The following ESS2 variants were observed in gnomAD, a reference collection of about 807,000 sequenced individuals.
ESS2 encodes the protein ess-2 spliceosome associated protein.
ESS2 carries 31 observed loss-of-function variants against 52.0 expected under a neutral mutation model. The ratio of observed to expected loss-of-function variants is 0.60; its 90% CI spans 0.45 to 0.81. The LOEUF is 0.81. Ranked by LOEUF, ESS2 falls within the 30% of genes least tolerant of loss-of-function variation. ESS2 has a pLI of 0.00. For missense variants in ESS2, 602 were observed against 637.2 expected (o/e 0.94, Z 0.59); for synonymous variants, 285 against 259.2 (o/e 1.10, Z -0.95).
At chr22:19,136,031 T>TAAAAAAAAAAAAAAAAA (rs377121962) in intron 8 of ESS2, among the ~76,000 whole-genome samples, 127 of 92,524 alleles carry the variant, frequency 1.4e-3, no homozygotes, top group African/African-American at 5.3e-3. Context: ...CCCTATCTGT[T>TAAAAAAAAAAAAAAAAA]AAAAAAAAAA....
rs182014495 is a variant in ESS2, at chr22:19,142,116, C to T, written c.400+422G>A. 8.6e-3 allele frequency among the ~76,000 whole-genome samples: 1,305 copies of T among 152,354 alleles called. 11 individuals are homozygous for T. Among genetic ancestry groups the T allele is most frequent in the Non-Finnish European group, 0.014 (974 of 68,040 alleles). Reference sequence around the variant, plus strand: ...CACACTGGCAGGTCAAGAAAAGTTTCTCTGAACAGGTAACACCTATGCAGA... The same window carrying T: ...CACACTGGCAGGTCAAGAAAAGTTTTTCTGAACAGGTAACACCTATGCAGA... On this transcript the variant is annotated intron_variant, in intron 3 of 9. Coordinates refer to ENST00000252137, the MANE Select transcript of ESS2 (RefSeq NM_022719.3).
At chr22:19,144,307 T>C (rs2083746643) in intron 1 of ESS2, 199 bp downstream of exon 1, 2 of 1,352,490 alleles carry the variant, frequency 1.5e-6, no homozygotes, top group South Asian at 3.5e-5. Context: ...CTCTCTCTTT[T>C]CCCTGACAAC....
In ESS2 at chr22:19,134,153, G is replaced by A. The variant is rs1364838034; in HGVS notation, c.*43C>T. The A allele has an allele frequency of 1.4e-6, 2 of 1,474,220 alleles. No homozygotes were observed. The highest frequency in any genetic ancestry group is 2.5e-5 in the East Asian group (1 of 40,024). 91.3% of individuals were successfully genotyped at this position (1,474,220 alleles called of 1,614,324 possible). ...CCTCTGCTGGGTGTACAGCTGCCCTGCAGGCTCTGTGAAGCGTCTATGAGC... is the reference window on the plus strand; with the variant it reads ...CCTCTGCTGGGTGTACAGCTGCCCTACAGGCTCTGTGAAGCGTCTATGAGC... On this transcript the variant is annotated 3_prime_UTR_variant, in exon 10 of 10. Coordinates refer to ENST00000252137, the MANE Select transcript of ESS2 (RefSeq NM_022719.3).
intron 9 of ESS2, 132 bp downstream of exon 9, chr22:19,134,928 C>T (rs988804644): frequency 1.1e-5 from 8 of 745,592 alleles, no homozygotes; most frequent in Non-Finnish European, 1.8e-5. Flanking sequence ...CCACAGTACC[C>T]ACTGCAGAAC....
intron 1 of ESS2, among the ~76,000 whole-genome samples, chr22:19,143,643 G>A (rs1354155935): frequency 2.0e-5 from 3 of 152,104 alleles, no homozygotes; most frequent in African/African-American, 7.2e-5. Flanking sequence ...ATCACCTGAG[G>A]TCAGGAGTTC....
Position 19,137,424 on chromosome 22 carries a change from CG to C in ESS2, c.933del (p.Asn311LysfsTer5), listed in dbSNP as rs1382030312. ...TCCCCCCAGGTCATCATCGGGGACT[CG>C]TTCACACCTGCAGACAAAGAGCCCA... is the stretch of plus-strand genomic sequence containing the variant. ...VATPSPAPGV[N>X]ESPMMTWGEV... On this transcript the variant is annotated frameshift_variant, in exon 8 of 10. Transcript: ENST00000252137. LOFTEE classifies it high-confidence loss of function. 6.2e-7 allele frequency: 1 copy of C among 1,612,258 alleles called. No individual in the cohort carries two copies. Among genetic ancestry groups the C allele is most frequent in the Admixed American group, 1.7e-5 (1 of 59,796 alleles).
Position 19,136,063 on chromosome 22 carries a change from G to A in ESS2, c.1036-888C>T, listed in dbSNP as rs372922787. Among the ~76,000 whole-genome samples, 339 of 147,356 alleles carry A rather than the reference G, an allele frequency of 2.3e-3. 1 individual carries two copies. The highest frequency in any genetic ancestry group is 8.4e-3 in the African/African-American group (319 of 37,828). ...AAAAAAAAAAAAAAAAAAGAGGCGA[G>A]GCACAGTGGCTCACGCCTGTAATCC... On this transcript the variant is annotated intron_variant, in intron 8 of 9. Transcript: ENST00000252137.
chr22:19,131,156 G>T lies in ESS2; in HGVS notation c.*3040C>A. 2.1e-6 allele frequency: 1 copy of T among 486,538 alleles called. No homozygotes were observed. The highest frequency in any genetic ancestry group is 3.0e-5 in the South Asian group (1 of 33,240). 30.1% of individuals were successfully genotyped at this position (486,538 alleles called of 1,614,324 possible). A position where few individuals can be genotyped will look rare whatever the true frequency, so the allele number is the denominator to read the frequency against. On this transcript the variant is annotated 3_prime_UTR_variant, in exon 10 of 10. Transcript: ENST00000252137. The surrounding 1 kb of genome is among the most constrained non-coding windows in gnomAD (Gnocchi z 5.7). ...GGGAGTGGGTGCTCCTGCCAGACCAGCCTGGCTTCCACGGTTCCAGAGACC... is the reference window on the plus strand; with the variant it reads ...GGGAGTGGGTGCTCCTGCCAGACCATCCTGGCTTCCACGGTTCCAGAGACC...
intron 8 of ESS2, among the ~76,000 whole-genome samples, chr22:19,136,729 T>A (rs2083588524): frequency 6.6e-6 from 1 of 152,148 alleles, no homozygotes; most frequent in African/African-American, 2.4e-5. Context: ...TATCCTTGTG[T>A]CCCAGACAAT....
rs566948971 is a variant in ESS2, at chr22:19,133,840, C to T, written c.*356G>A. The T allele has an allele frequency of 3.4e-4, 76 of 221,568 alleles. No homozygotes were observed. The highest frequency in any genetic ancestry group is 1.7e-3 in the African/African-American group (76 of 44,348). 13.7% of individuals were successfully genotyped at this position (221,568 alleles called of 1,614,324 possible). ...CCTGCAGCTTCCTCACCTGGGGGGC[C>T]CCTCGCTTCAAGCCCCGCAGTCCTG... On this transcript the variant is annotated 3_prime_UTR_variant, in exon 10 of 10. Transcript: ENST00000252137.
At chr22:19,139,333 C>A (rs1292562837) in intron 5 of ESS2, 41 bp from the exon 6 acceptor site, 6 of 1,544,472 alleles carry the variant, frequency 3.9e-6, no homozygotes, top group Non-Finnish European at 5.2e-6. Context: ...GTCAGAAGGG[C>A]AGCAGCCTAA....
At chr22:19,135,754 G>C (rs1234634849) in intron 8 of ESS2, among the ~76,000 whole-genome samples, 1 of 152,160 alleles carries the variant, frequency 6.6e-6, no homozygotes, top group African/African-American at 2.4e-5. Flanking sequence ...CAGGCTGGGA[G>C]TGGTGGCTCA....
At chr22:19,135,866 C>A (rs922312035) in intron 8 of ESS2, among the ~76,000 whole-genome samples, 1 of 151,428 alleles carries the variant, frequency 6.6e-6, no homozygotes, top group Admixed American at 6.6e-5. Flanking sequence ...CATTTCTACA[C>A]ACACACACAC....
chr22:19,144,156 A>C, intron 1 of ESS2: 1 of 1,071,050 alleles, frequency 9.3e-7, no homozygotes, highest in Non-Finnish European at 1.1e-6. Context: ...GTCTCTTTCC[A>C]GGAACCCCAG....
At chr22:19,144,333 T>C in intron 1 of ESS2, 173 bp downstream of exon 1, 1 of 1,417,442 alleles carries the variant, frequency 7.1e-7, no homozygotes, top group Non-Finnish European at 9.2e-7. Flanking sequence ...TACAGCCTCT[T>C]CCACCACAGA....
At chr22:19,143,391 G>C (rs2083727851) in intron 1 of ESS2, among the ~76,000 whole-genome samples, 1 of 152,048 alleles carries the variant, frequency 6.6e-6, no homozygotes, top group Admixed American at 6.5e-5. Flanking sequence ...CCATATGGTA[G>C]CCATGCTGCA....
At position 19,144,554 on chromosome 22, in the gene ESS2, C is replaced by T; in HGVS notation, c.87G>A (p.Gly29=). Residue 29 remains glycine (G), a synonymous_variant, in exon 1 of 10, where the codon GGG becomes GGA. Transcript: ENST00000252137. The stretch of plus-strand genomic sequence containing the variant: ...GGACCCGCTGCTTGCTCGTCGCAGC[C>T]CCAGCCTCTCCCGCCTCGCGCTTCC... ...PPRKREAGEA[G]AATSKQRVLD... is the part of the protein sequence containing the mutation. 3 of 1,608,414 alleles carry T rather than the reference C, an allele frequency of 1.9e-6. No individual in the cohort carries two copies. The highest frequency in any genetic ancestry group is 1.7e-6 in the Non-Finnish European group (2 of 1,177,350).
At chr22:19,143,137 G>A (rs753286092) in intron 1 of ESS2, among the ~76,000 whole-genome samples, 19 of 150,646 alleles carry the variant, frequency 1.3e-4, no homozygotes, top group Admixed American at 5.3e-4. Context: ...CTCGGGAGGC[G>A]GAGGTTGCAG....
At chr22:19,134,831 C>T (rs939972564) in intron 9 of ESS2, among the ~76,000 whole-genome samples, 4 of 152,126 alleles carry the variant, frequency 2.6e-5, no homozygotes, top group East Asian at 1.9e-4. Context: ...CTCTTAGGGA[C>T]GGGTCAAAGA....
Sources: gnomAD v4.1 joint callset for allele counts (sites outside exome capture counted in the v4.1 genomes callset) on GRCh38, gnomAD v4.1.1 for gene constraint, Gnocchi (gnomAD v3.1) non-coding constraint, MANE v1.5 for transcripts, NCBI Gene and HGNC (gene_info 2026-07-23, HGNC 2026-07-21) for gene names.